RB1: variants seen among roughly 807,000 people sequenced by gnomAD.
RB1 encodes RB transcriptional corepressor 1.
Under a neutral mutation model 135.4 loss-of-function variants are expected in RB1, and 18 were observed. The observed-to-expected ratio is 0.13, with a 90% CI of 0.09 to 0.20. RB1 has a LOEUF of 0.20. Ranked by LOEUF, RB1 falls within the 10% of genes least tolerant of loss-of-function variation. The probability of loss-of-function intolerance (pLI) is 1.00; values close to 1 mark genes in which losing one functional copy is unlikely to be tolerated. For missense variants in RB1, 868 were observed against 1,110.0 expected, an observed-to-expected ratio of 0.78 and a Z score of 3.10; for synonymous variants, 365 against 373.2, an observed-to-expected ratio of 0.98 and a Z score of 0.25.
chr13:48,427,229 C>A (rs1489454040), intron 17 of RB1, among the ~76,000 whole-genome samples: 1 of 94,424 alleles, frequency 1.1e-5, no homozygotes, highest in Non-Finnish European at 2.2e-5. Context: ...TCATCTTCTA[C>A]CAAACCTCAC....
At chr13:48,341,326 T>C (rs1952440903) in intron 2 of RB1, 1 of 150,368 alleles carries the variant, frequency 6.7e-6, no homozygotes, top group Admixed American at 6.6e-5. Flanking sequence ...ATGCACTTCT[T>C]TTTTTTTTAT....
intron 1 of RB1, among the ~76,000 whole-genome samples, chr13:48,304,711 A>G (rs562605659): frequency 6.6e-6 from 1 of 152,304 alleles, no homozygotes; most frequent in Admixed American, 6.5e-5. Flanking sequence ...GAACTGAAAC[A>G]TGGGCAAAAC....
At chr13:48,388,647 A>G (rs889984950) in intron 17 of RB1, among the ~76,000 whole-genome samples, 2 of 152,222 alleles carry the variant, frequency 1.3e-5, no homozygotes, top group African/African-American at 4.8e-5. Flanking sequence ...TCTGGCTCCA[A>G]AGCTATTAAT....
chr13:48,349,852 A>G (rs1222233318), intron 6 of RB1, among the ~76,000 whole-genome samples: 2 of 152,078 alleles, frequency 1.3e-5, no homozygotes, highest in African/African-American at 4.8e-5. Context: ...GGAAAAATAT[A>G]TTCCATGCCC....
At chr13:48,411,317 T>C in intron 17 of RB1, 2 of 1,231,458 alleles carry the variant, frequency 1.6e-6, no homozygotes, top group Admixed American at 3.4e-5. Context: ...AAAAATAGTT[T>C]GTCCAAAAAG....
intron 18 of RB1, among the ~76,000 whole-genome samples, chr13:48,454,151 A>C (rs2138328590): frequency 6.6e-6 from 1 of 152,396 alleles, no homozygotes; most frequent in South Asian, 2.1e-4. Context: ...TAGGAATTAG[A>C]GAAATAAGAT....
At chr13:48,439,052 A>G (rs2138300273) in intron 17 of RB1, among the ~76,000 whole-genome samples, 1 of 152,312 alleles carries the variant, frequency 6.6e-6, no homozygotes, top group Non-Finnish European at 1.5e-5. Flanking sequence ...AAGCATGACA[A>G]TGGGCAAAGA....
At chr13:48,428,973 C>T (rs1267852134) in intron 17 of RB1, among the ~76,000 whole-genome samples, 1 of 152,208 alleles carries the variant, frequency 6.6e-6, no homozygotes, top group African/African-American at 2.4e-5. Context: ...TCTCAGGATG[C>T]TCCTGGAAGC....
chr13:48,331,152 C>G (rs771543459), intron 2 of RB1, among the ~76,000 whole-genome samples: 5 of 152,136 alleles, frequency 3.3e-5, no homozygotes, highest in African/African-American at 4.8e-5. Flanking sequence ...AAAGGTTATA[C>G]GTGATAAGCC....
chr13:48,461,282 GCTT>G (rs970663228), intron 20 of RB1, among the ~76,000 whole-genome samples: 1 of 151,946 alleles, frequency 6.6e-6, no homozygotes, highest in Admixed American at 6.6e-5. Flanking sequence ...TTTGTGTATG[GCTT>G]CTTTCATTTA....
intron 17 of RB1, among the ~76,000 whole-genome samples, chr13:48,410,465 G>A (rs894112139): frequency 2.6e-5 from 4 of 152,162 alleles, no homozygotes; most frequent in African/African-American, 9.7e-5. Context: ...ACCTAAGCAA[G>A]CATCATAAGC....
chr13:48,355,839 A>G (rs1952584831), intron 6 of RB1, among the ~76,000 whole-genome samples: 2 of 151,902 alleles, frequency 1.3e-5, no homozygotes, highest in African/African-American at 4.8e-5. Context: ...AACATCACAT[A>G]CTCTCATTTA....
At chr13:48,320,293 C>A (rs1215181126) in intron 2 of RB1, 10 of 1,228,992 alleles carry the variant, frequency 8.1e-6, no homozygotes, top group Non-Finnish European at 1.2e-6. Context: ...GGTGGTGCCC[C>A]GAGCAACCCC....
intron 2 of RB1, among the ~76,000 whole-genome samples, chr13:48,308,425 AG>A (rs1430608115): frequency 6.6e-6 from 1 of 152,102 alleles, no homozygotes; most frequent in Non-Finnish European, 1.5e-5. Flanking sequence ...AGGCCCAGGC[AG>A]GTGATCACTT....
intron 2 of RB1, among the ~76,000 whole-genome samples, chr13:48,338,951 T>C (rs1952413950): frequency 6.6e-6 from 1 of 152,162 alleles, no homozygotes; most frequent in African/African-American, 2.4e-5. Context: ...CAGACCCTGT[T>C]TGCCTGGGTA....
intron 2 of RB1, among the ~76,000 whole-genome samples, chr13:48,320,771 C>T (rs139380609): frequency 0.017 from 2,628 of 151,194 alleles, 75 homozygotes; most frequent in African/African-American, 0.061. Flanking sequence ...GTGGAGGTTG[C>T]AGTGAGCTGA....
At chr13:48,403,572 CAG>C (rs1273852961) in intron 17 of RB1, among the ~76,000 whole-genome samples, 1 of 152,084 alleles carries the variant, frequency 6.6e-6, no homozygotes, top group South Asian at 2.1e-4. Context: ...GTAGCAGATA[CAG>C]AGAGTGGGGC....
chr13:48,310,920 T>G (rs533005177), intron 2 of RB1, among the ~76,000 whole-genome samples: 6 of 152,332 alleles, frequency 3.9e-5, no homozygotes, highest in African/African-American at 1.4e-4. Flanking sequence ...ATTGTATTTA[T>G]GCTGATTATA....
At chr13:48,450,976 G>C (rs1949323468) in intron 17 of RB1, among the ~76,000 whole-genome samples, 1 of 152,098 alleles carries the variant, frequency 6.6e-6, no homozygotes, top group Non-Finnish European at 1.5e-5. Context: ...TTGGCTCTTT[G>C]CTTGCTTATT....
Sources: allele counts gnomAD v4.1 joint callset (sites outside exome capture counted in the v4.1 genomes callset), GRCh38; gene constraint gnomAD v4.1.1; transcripts MANE v1.5; gene names NCBI Gene and HGNC (gene_info 2026-07-23, HGNC 2026-07-21).